The following ENAH variants were observed in gnomAD, a reference collection of about 807,000 sequenced individuals.
The protein encoded by ENAH is ENAH actin regulator.
A neutral mutation model predicts 78.7 loss-of-function variants in ENAH; 23 were observed. The ratio of observed to expected loss-of-function variants is 0.29; its 90% CI spans 0.21 to 0.41. The LOEUF (loss-of-function observed/expected upper bound fraction) is 0.41. Ranked by LOEUF, ENAH falls within the 10% of genes least tolerant of loss-of-function variation. The probability of loss-of-function intolerance (pLI) is 1.00; values close to 1 mark genes in which losing one functional copy is unlikely to be tolerated. For missense variants in ENAH, 544 were observed against 691.0 expected, an observed-to-expected ratio of 0.79 and a Z score of 2.39; for synonymous variants, 226 against 241.0, an observed-to-expected ratio of 0.94 and a Z score of 0.58.
intron 1 of ENAH, among the ~76,000 whole-genome samples, chr1:225,639,519 C>T (rs151300816): frequency 6.6e-6 from 1 of 152,190 alleles, no homozygotes; most frequent in Non-Finnish European, 1.5e-5. Context: ...TTTGAGCATA[C>T]ACCATCTTGC....
At chr1:225,578,970 ATATGTATATAG>A (rs2096801263) in intron 1 of ENAH, among the ~76,000 whole-genome samples, 1 of 152,224 alleles carries the variant, frequency 6.6e-6, no homozygotes, top group Non-Finnish European at 1.5e-5. Flanking sequence ...AAAAATAAGG[ATATGTATATAG>A]TACTTACTAA....
intron 1 of ENAH, among the ~76,000 whole-genome samples, chr1:225,615,668 T>C (rs527713114): frequency 2.2e-5 from 3 of 135,612 alleles, no homozygotes; most frequent in Non-Finnish European, 3.1e-5. Flanking sequence ...CCGTCTGGGA[T>C]GTGAGGAGCG....
chr1:225,628,604 A>T (rs1021614256), intron 1 of ENAH, among the ~76,000 whole-genome samples: 3 of 152,142 alleles, frequency 2.0e-5, no homozygotes, highest in East Asian at 3.8e-4. Flanking sequence ...AAAGAAGAAC[A>T]TTTTTTTAAA....
At chr1:225,527,495 C>G (rs1265056274) in intron 4 of ENAH, among the ~76,000 whole-genome samples, 1 of 152,134 alleles carries the variant, frequency 6.6e-6, no homozygotes. Context: ...AAGTGAAAAC[C>G]AGTACTAAGT....
rs972456114 is a variant in ENAH, at chr1:225,493,368, T to C, written c.*4407A>G. 44 of 152,344 alleles carry C rather than the reference T, an allele frequency of 2.9e-4. No homozygotes were observed. Among genetic ancestry groups the C allele is most frequent in the African/African-American group, 1.0e-3 (42 of 41,578 alleles). 9.4% of individuals were successfully genotyped at this position (152,344 alleles called of 1,614,324 possible). A position where few individuals can be genotyped will look rare whatever the true frequency, so the allele number is the denominator to read the frequency against. On this transcript the variant is annotated 3_prime_UTR_variant, in exon 14 of 14. Coordinates refer to ENST00000366843, the MANE Select transcript of ENAH (RefSeq NM_018212.6). Reference sequence around the variant, plus strand: ...TTCTTTAAGTAATTGTCCTCTACTATGTCTTTACATAGCCAAAGCTACCTA... The same window carrying C: ...TTCTTTAAGTAATTGTCCTCTACTACGTCTTTACATAGCCAAAGCTACCTA...
Position 225,587,363 on chromosome 1 carries a change from G to C in ENAH, c.6-19949C>G, listed in dbSNP as rs563535528. Among the ~76,000 whole-genome samples the C allele has an allele frequency of 1.2e-4, 19 of 152,210 alleles. No homozygotes were observed. The South Asian group carries it at 3.1e-3, about 25-fold the overall frequency. On this transcript the variant is annotated intron_variant, in intron 1 of 13. Coordinates refer to ENST00000366843, the MANE Select transcript of ENAH (RefSeq NM_018212.6). ...TCAAGTTTAATTTAAAAAATCAGTT[G>C]CATTTTTTATATAGTAGCAACAACA...
intron 1 of ENAH, among the ~76,000 whole-genome samples, 153 bp from the exon 2 acceptor site, chr1:225,567,567 A>C (rs1352608307): frequency 6.6e-6 from 1 of 152,228 alleles, no homozygotes; most frequent in Non-Finnish European, 1.5e-5. Flanking sequence ...TCCTGTCTTT[A>C]TGTGTACAGT....
At chr1:225,590,332 C>T (rs1013018777) in intron 1 of ENAH, among the ~76,000 whole-genome samples, 17 of 151,940 alleles carry the variant, frequency 1.1e-4, no homozygotes, top group African/African-American at 4.1e-4. Context: ...AAAAATTACC[C>T]GGGCATGATG....
intron 2 of ENAH, among the ~76,000 whole-genome samples, chr1:225,555,699 T>C (rs1425978975): frequency 1.3e-5 from 2 of 152,154 alleles, no homozygotes; most frequent in Non-Finnish European, 2.9e-5. Flanking sequence ...AGAGTGTATC[T>C]CTCTGAATGT....
At chr1:225,597,772 A>G (rs551447613) in intron 1 of ENAH, among the ~76,000 whole-genome samples, 40 of 152,180 alleles carry the variant, frequency 2.6e-4, no homozygotes, top group African/African-American at 8.4e-4. Flanking sequence ...CTTTTGCTAC[A>G]CTGAAACGGA....
At chr1:225,617,499 A>T (rs992094348) in intron 1 of ENAH, among the ~76,000 whole-genome samples, 1 of 152,180 alleles carries the variant, frequency 6.6e-6, no homozygotes, top group African/African-American at 2.4e-5. Flanking sequence ...AAAAGCACCC[A>T]TTGCAGGTTC....
intron 1 of ENAH, among the ~76,000 whole-genome samples, chr1:225,594,087 T>C (rs2096890931): frequency 6.6e-6 from 1 of 152,196 alleles, no homozygotes; most frequent in Non-Finnish European, 1.5e-5. Context: ...GGCATGAGGC[T>C]AGAAATTCAG....
intron 1 of ENAH, among the ~76,000 whole-genome samples, chr1:225,618,487 A>C (rs528384805): frequency 6.6e-6 from 1 of 152,258 alleles, no homozygotes; most frequent in East Asian, 1.9e-4. Context: ...ACAGCACAGA[A>C]AAAAAGGGGA....
intron 1 of ENAH, among the ~76,000 whole-genome samples, chr1:225,621,038 T>C (rs930262161): frequency 1.3e-5 from 2 of 152,120 alleles, no homozygotes; most frequent in African/African-American, 4.8e-5. Context: ...GATAGTCCTT[T>C]GTAGTCTTTG....
chr1:225,538,272 G>C (rs2096571939), intron 3 of ENAH, among the ~76,000 whole-genome samples: 1 of 151,316 alleles, frequency 6.6e-6, no homozygotes, highest in Non-Finnish European at 1.5e-5. Context: ...TTTGCTCAAA[G>C]GTATCTAGAA....
At chr1:225,539,660 C>T (rs140857084) in intron 3 of ENAH, among the ~76,000 whole-genome samples, 88 of 152,262 alleles carry the variant, frequency 5.8e-4, no homozygotes, top group Admixed American at 1.6e-3. Context: ...CAGTGCTTGC[C>T]CCCCATGATG....
intron 1 of ENAH, among the ~76,000 whole-genome samples, chr1:225,651,120 T>G (rs2148524939): frequency 6.6e-6 from 1 of 152,220 alleles, no homozygotes; most frequent in East Asian, 1.9e-4. Flanking sequence ...TCAAGCCATA[T>G]TTTACAAAGA....
At chr1:225,533,138 A>G (rs1316818566) in intron 3 of ENAH, among the ~76,000 whole-genome samples, 1 of 152,182 alleles carries the variant, frequency 6.6e-6, no homozygotes, top group Non-Finnish European at 1.5e-5. Flanking sequence ...GCATTTAAAA[A>G]TTAATACAAA....
chr1:225,632,953 C>T (rs1659365554), intron 1 of ENAH, among the ~76,000 whole-genome samples: 1 of 152,176 alleles, frequency 6.6e-6, no homozygotes, highest in South Asian at 2.1e-4. Flanking sequence ...GACATGTTCC[C>T]TGTATGGTGG....
Sources: allele counts gnomAD v4.1 joint callset (sites outside exome capture counted in the v4.1 genomes callset), GRCh38; gene constraint gnomAD v4.1.1; transcripts MANE v1.5; gene names NCBI Gene and HGNC (gene_info 2026-07-23, HGNC 2026-07-21).